Variants in MEGF6 observed in about 807,000 individuals in gnomAD.
MEGF6 encodes multiple EGF like domains 6, also known as multiple epidermal growth factor-like domains protein 6.
Under a neutral mutation model 207.1 loss-of-function variants are expected in MEGF6, and 184 were observed. That is an observed-to-expected ratio of 0.89 (90% CI 0.79 to 1.00). MEGF6 has a LOEUF of 1.00. Among genes scored for constraint, MEGF6 ranks in the 50% least tolerant of loss-of-function variants. The pLI is 0.00. For synonymous variants in MEGF6, 1,038 were observed against 910.0 expected, an observed-to-expected ratio of 1.14 and a Z score of -2.53; for missense variants, 2,282 against 2,202.9, an observed-to-expected ratio of 1.04 and a Z score of -0.72.
At chr1:3,545,854 A>T (rs899210272) in intron 4 of MEGF6, among the ~76,000 whole-genome samples, 8 of 152,162 alleles carry the variant, frequency 5.3e-5, no homozygotes, top group Non-Finnish European at 1.2e-4. Context: ...CAGGCTGGAG[A>T]GGAGCACACA....
chr1:3,515,158 A>G (rs769055043), intron 6 of MEGF6, among the ~76,000 whole-genome samples: 2 of 152,198 alleles, frequency 1.3e-5, no homozygotes, highest in African/African-American at 2.4e-5. Flanking sequence ...CTGAGGACTC[A>G]GAGCAAAGTG....
At position 3,493,786 on chromosome 1, in the gene MEGF6, C is replaced by T. The variant is rs1451818281; in HGVS notation, c.4372G>A (p.Ala1458Thr). The change falls in exon 34 of 37, where the codon GCC becomes ACC. Residue 1458 changes from alanine to threonine, a missense_variant. Physicochemically the swap from Ala to Thr is moderately conservative, Grantham distance 58. Coordinates refer to ENST00000356575, the MANE Select transcript of MEGF6 (RefSeq NM_001409.4). ...CCAGACTCACCCAGGTTACAGGTGG[C>T]TCCTGAGCGCCCTGGTGGGCAAAGG... ...LCLCPPGRSG[A>T]TCNLDCRRGQ... The T allele has an allele frequency of 1.2e-6, 2 of 1,612,132 alleles. No individual in the cohort carries two copies. The highest frequency in any genetic ancestry group is 8.5e-7 in the Non-Finnish European group (1 of 1,179,602).
chr1:3,508,085 A>C (rs1312938825), intron 13 of MEGF6, among the ~76,000 whole-genome samples, 162 bp from the exon 14 acceptor site: 1 of 152,102 alleles, frequency 6.6e-6, no homozygotes, highest in Non-Finnish European at 1.5e-5. Flanking sequence ...GACATCACTA[A>C]TTGATCACTG....
chr1:3,555,588 C>A (rs1202139346), intron 4 of MEGF6, among the ~76,000 whole-genome samples: 1 of 152,252 alleles, frequency 6.6e-6, no homozygotes, highest in Non-Finnish European at 1.5e-5. Flanking sequence ...CGACTAGAAC[C>A]AAGACCCCTG....
chr1:3,558,552 C>T (rs1044244130), intron 4 of MEGF6, among the ~76,000 whole-genome samples: 2 of 152,192 alleles, frequency 1.3e-5, no homozygotes, highest in Non-Finnish European at 1.5e-5. Context: ...GCTCGCAAGA[C>T]GTGCGTTTTC....
chr1:3,566,186 C>A (rs990522318), intron 4 of MEGF6, among the ~76,000 whole-genome samples: 3 of 152,234 alleles, frequency 2.0e-5, no homozygotes, highest in Non-Finnish European at 4.4e-5. Flanking sequence ...GTGATGCTGC[C>A]CAGGCCCCCG....
At chr1:3,596,413 A>T (rs1167884900) in intron 2 of MEGF6, among the ~76,000 whole-genome samples, 1 of 151,726 alleles carries the variant, frequency 6.6e-6, no homozygotes, top group Non-Finnish European at 1.5e-5. Flanking sequence ...CGTGCAGTCC[A>T]CAAAGCCCGG....
At chr1:3,499,738 G>A in intron 22 of MEGF6, 22 bp from the exon 23 acceptor site, 1 of 1,599,892 alleles carries the variant, frequency 6.3e-7, no homozygotes, top group Non-Finnish European at 8.5e-7. Flanking sequence ...GGGCAGTGAT[G>A]TGGAGGGGCC....
chr1:3,520,124 G>C (rs1641689780), intron 5 of MEGF6, among the ~76,000 whole-genome samples: 1 of 152,248 alleles, frequency 6.6e-6, no homozygotes, highest in South Asian at 2.1e-4. Context: ...CATCTGGAGG[G>C]ACCTCTGCTG....
intron 7 of MEGF6, among the ~76,000 whole-genome samples, chr1:3,513,817 A>G (rs1223938968): frequency 2.0e-5 from 3 of 148,018 alleles, no homozygotes; most frequent in Non-Finnish European, 4.5e-5. Flanking sequence ...GTCTTGAGCA[A>G]CTTGGCTTAA....
intron 10 of MEGF6, 86 bp downstream of exon 10, chr1:3,510,697 G>A (rs773878135): frequency 8.7e-6 from 13 of 1,493,412 alleles, no homozygotes; most frequent in Non-Finnish European, 1.2e-5. Context: ...CCCACCATGG[G>A]GGTACCAGAG....
In MEGF6 at chr1:3,495,922, G is replaced by C; in HGVS notation, c.3839C>G (p.Pro1280Arg). ...CDPVTGTCLCPPGRAGVRCER... is the reference protein window; with the variant it reads ...CDPVTGTCLCRPGRAGVRCER... Reference sequence around the variant, plus strand: ...ACAGCGGACGCCGGCTCTCCCCGGGGGGCAGAGGCAGGTGCCGGTCACAGG... The same window carrying C: ...ACAGCGGACGCCGGCTCTCCCCGGGCGGCAGAGGCAGGTGCCGGTCACAGG... Residue 1280 changes from proline to arginine, a missense_variant, in exon 30 of 37, where the codon CCC becomes CGC. Coordinates refer to ENST00000356575, the MANE Select transcript of MEGF6 (RefSeq NM_001409.4). 2 of 1,597,646 alleles carry C rather than the reference G, an allele frequency of 1.3e-6. No homozygotes were observed. Among genetic ancestry groups the C allele is most frequent in the Admixed American group, 1.7e-5 (1 of 59,768 alleles).
intron 5 of MEGF6, among the ~76,000 whole-genome samples, chr1:3,523,078 G>A (rs867736440): frequency 7.2e-5 from 11 of 151,824 alleles, no homozygotes; most frequent in African/African-American, 2.7e-4. Context: ...GTGTGCCGGG[G>A]GGGGGGCCCC....
chr1:3,578,541 G>T (rs1009756276), intron 4 of MEGF6, among the ~76,000 whole-genome samples: 24 of 152,280 alleles, frequency 1.6e-4, no homozygotes, highest in African/African-American at 3.4e-4. Context: ...GGCCCTGGGG[G>T]GGGGGGGCCC....
At chr1:3,518,591 A>G (rs913722257) in intron 5 of MEGF6, among the ~76,000 whole-genome samples, 1 of 152,236 alleles carries the variant, frequency 6.6e-6, no homozygotes, top group African/African-American at 2.4e-5. Flanking sequence ...GGGGCTGGAC[A>G]CAGGCCCACC....
intron 3 of MEGF6, among the ~76,000 whole-genome samples, chr1:3,581,025 T>C (rs1643784029): frequency 6.6e-6 from 1 of 152,092 alleles, no homozygotes. Context: ...ACTCAGGCAC[T>C]CGTCGTCTAA....
rs141265219 is a variant in MEGF6, at chr1:3,496,836, C to T, written c.3614-53G>A. 428 of 1,536,762 alleles carry T rather than the reference C, an allele frequency of 2.8e-4. No individual in the cohort carries two copies. The African/African-American group carries it at 5.0e-3, about 18-fold the overall frequency. ...GCTGGGGCTGGAGGCTTCCCCAGTG[C>T]CCCTGAACACAGCAAGGCAGCTCTC... On this transcript the variant is annotated intron_variant, in intron 28 of 36. Coordinates refer to ENST00000356575, the MANE Select transcript of MEGF6 (RefSeq NM_001409.4).
At chr1:3,557,717 G>A (rs887122548) in intron 4 of MEGF6, among the ~76,000 whole-genome samples, 4 of 152,236 alleles carry the variant, frequency 2.6e-5, no homozygotes, top group African/African-American at 7.2e-5. Flanking sequence ...GAGACGGGGG[G>A]CCCAGGAAGC....
chr1:3,535,043 G>A (rs1212171065), intron 4 of MEGF6, among the ~76,000 whole-genome samples: 1 of 152,208 alleles, frequency 6.6e-6, no homozygotes, highest in African/African-American at 2.4e-5. Flanking sequence ...GGGCTGTATG[G>A]CATGGCCACA....
Sources: allele counts gnomAD v4.1 joint callset (sites outside exome capture counted in the v4.1 genomes callset), GRCh38; gene constraint gnomAD v4.1.1; transcripts MANE v1.5; gene names NCBI Gene and HGNC (gene_info 2026-07-23, HGNC 2026-07-21).